The following FBLN5 variants were observed in gnomAD, a reference collection of about 807,000 sequenced individuals.
FBLN5 encodes fibulin-5.
In FBLN5, 24 loss-of-function variants were observed where a neutral mutation model predicts 61.6. That is an observed-to-expected ratio of 0.39 (90% CI 0.28 to 0.55). The LOEUF (loss-of-function observed/expected upper bound fraction) is 0.55, where lower values mean the gene tolerates loss of function less well. FBLN5 is among the 20% of genes least tolerant of loss of function. The pLI, the probability that FBLN5 is intolerant of heterozygous loss-of-function variation, is 0.65. For synonymous variants in FBLN5, 213 were observed against 219.8 expected (o/e 0.97, Z 0.27); for missense variants, 470 against 594.1 (o/e 0.79, Z 2.17).
At position 91,895,075 on chromosome 14, in the gene FBLN5, G is replaced by A. The variant is rs1444851565; in HGVS notation, c.380-3C>T. ...ATCTGTTGCACACTCGTCCACATCTGTAATACAGACATAGTCCAAAGAATG... is the reference window on the plus strand; with the variant it reads ...ATCTGTTGCACACTCGTCCACATCTATAATACAGACATAGTCCAAAGAATG... On this transcript the variant is annotated splice_region_variant and splice_polypyrimidine_tract_variant and intron_variant, in intron 4 of 10. Transcript: ENST00000342058. 6.2e-7 allele frequency: 1 copy of A among 1,614,070 alleles called. No homozygotes were observed. Among genetic ancestry groups the A allele is most frequent in the South Asian group, 1.1e-5 (1 of 91,082 alleles).
chr14:91,942,578 C>T (rs889455462), intron 2 of FBLN5, among the ~76,000 whole-genome samples: 1 of 152,194 alleles, frequency 6.6e-6, no homozygotes, highest in Admixed American at 6.5e-5. Flanking sequence ...TGCAGCAAAC[C>T]ACCATGGCCC....
intron 4 of FBLN5, among the ~76,000 whole-genome samples, chr14:91,902,065 C>T (rs1471855906): frequency 6.6e-6 from 1 of 152,158 alleles, no homozygotes; most frequent in African/African-American, 2.4e-5. Flanking sequence ...ACTTTCATCC[C>T]CAGAGCACTT....
At chr14:91,912,861 C>A (rs1891016466) in intron 4 of FBLN5, among the ~76,000 whole-genome samples, 1 of 150,352 alleles carries the variant, frequency 6.7e-6, no homozygotes, top group South Asian at 2.1e-4. Flanking sequence ...GACTGAGACA[C>A]TTTTCTTCTT....
At chr14:91,885,639 T>C (rs1471807907) in intron 7 of FBLN5, among the ~76,000 whole-genome samples, 4 of 152,098 alleles carry the variant, frequency 2.6e-5, no homozygotes, top group South Asian at 2.1e-4. Context: ...TTTTTTTTAA[T>C]AAAGGATGAA....
Position 91,869,939 on chromosome 14 carries a change from G to A in FBLN5, c.*285C>T. The stretch of plus-strand genomic sequence containing the variant: ...TAATCTATTTTCTTTGAAAATAGTG[G>A]AAATAAACTGAAGGCCTTGAAAATT... On this transcript the variant is annotated 3_prime_UTR_variant, in exon 11 of 11. Transcript: ENST00000342058. 2.3e-6 allele frequency: 1 copy of A among 435,552 alleles called. No individual in the cohort carries two copies. The highest frequency in any genetic ancestry group is 2.1e-5 in the South Asian group (1 of 47,704). 27.0% of individuals were successfully genotyped at this position (435,552 alleles called of 1,614,324 possible).
intron 4 of FBLN5, among the ~76,000 whole-genome samples, chr14:91,933,773 C>T (rs1023284136): frequency 2.0e-5 from 3 of 151,848 alleles, no homozygotes; most frequent in Admixed American, 2.0e-4. Context: ...CTACTTTTGA[C>T]TAGGTTCAAA....
intron 9 of FBLN5, among the ~76,000 whole-genome samples, chr14:91,879,755 T>A (rs965562819): frequency 6.6e-6 from 1 of 152,232 alleles, no homozygotes; most frequent in Non-Finnish European, 1.5e-5. Context: ...TGTCCCGGCA[T>A]TATCCTCTCT....
chr14:91,870,592 G>A (rs911163684), intron 10 of FBLN5, among the ~76,000 whole-genome samples: 4 of 152,238 alleles, frequency 2.6e-5, no homozygotes, highest in Non-Finnish European at 4.4e-5. Context: ...CACTTCCTAA[G>A]AGGAGCCTTC....
intron 3 of FBLN5, 107 bp downstream of exon 3, chr14:91,940,458 T>G (rs2056087997): frequency 1.1e-6 from 1 of 940,088 alleles, no homozygotes; most frequent in Admixed American, 1.8e-5. Flanking sequence ...TGTCACTGTA[T>G]TCTCCCATGG....
intron 4 of FBLN5, among the ~76,000 whole-genome samples, chr14:91,899,470 C>T (rs878939343): frequency 3.3e-5 from 5 of 152,226 alleles, no homozygotes; most frequent in African/African-American, 9.6e-5. Flanking sequence ...AGGAAGAAGT[C>T]GTCATCTGCA....
chr14:91,918,669 C>T (rs1353182373), intron 4 of FBLN5, among the ~76,000 whole-genome samples: 1 of 152,144 alleles, frequency 6.6e-6, no homozygotes, highest in Non-Finnish European at 1.5e-5. Context: ...TAAGGAAAGG[C>T]ATGTTGCTGT....
chr14:91,895,354 A>T (rs1468255151), intron 4 of FBLN5, among the ~76,000 whole-genome samples: 1 of 152,234 alleles, frequency 6.6e-6, no homozygotes, highest in Non-Finnish European at 1.5e-5. Context: ...TTGCTCTTTG[A>T]AGGTGCATTA....
chr14:91,876,705 C>T (rs564552858), intron 10 of FBLN5, among the ~76,000 whole-genome samples: 14 of 152,326 alleles, frequency 9.2e-5, no homozygotes, highest in South Asian at 4.1e-4. Flanking sequence ...ACGGATTCTC[C>T]TCTAGAGCCT....
intron 4 of FBLN5, among the ~76,000 whole-genome samples, chr14:91,918,044 T>C (rs1338909804): frequency 2.0e-5 from 3 of 152,168 alleles, no homozygotes; most frequent in Non-Finnish European, 4.4e-5. Context: ...TCCAGGCACC[T>C]GTACCACCCA....
chr14:91,937,844 G>A (rs911503010), intron 3 of FBLN5, among the ~76,000 whole-genome samples: 5 of 152,066 alleles, frequency 3.3e-5, no homozygotes, highest in African/African-American at 7.2e-5. Flanking sequence ...AACAGAGAAC[G>A]GACTAAAACA....
chr14:91,890,006 G>C (rs1184832976), intron 6 of FBLN5, among the ~76,000 whole-genome samples: 1 of 152,208 alleles, frequency 6.6e-6, no homozygotes, highest in Non-Finnish European at 1.5e-5. Flanking sequence ...TCTGCCCTAA[G>C]CTGCTTATCA....
At chr14:91,934,879 C>T in intron 4 of FBLN5, among the ~76,000 whole-genome samples, 1 of 152,160 alleles carries the variant, frequency 6.6e-6, no homozygotes, top group East Asian at 1.9e-4. Context: ...GAAAGAGCCT[C>T]CCTTTCCCAT....
At chr14:91,945,448 G>A (rs2140059728) in intron 1 of FBLN5, among the ~76,000 whole-genome samples, 1 of 152,280 alleles carries the variant, frequency 6.6e-6, no homozygotes, top group East Asian at 1.9e-4. Flanking sequence ...AATACCTATT[G>A]GGTGCCATAA....
chr14:91,884,605 A>G (rs1302612628), intron 7 of FBLN5, among the ~76,000 whole-genome samples: 1 of 152,264 alleles, frequency 6.6e-6, no homozygotes, highest in Non-Finnish European at 1.5e-5. Flanking sequence ...CCAAGTTCAC[A>G]GATAACCAGT....
Sources: gnomAD v4.1 joint callset for allele counts (sites outside exome capture counted in the v4.1 genomes callset) on GRCh38, gnomAD v4.1.1 for gene constraint, MANE v1.5 for transcripts, NCBI Gene and HGNC (gene_info 2026-07-23, HGNC 2026-07-21) for gene names.